AOPEP: variants seen among roughly 807,000 people sequenced by gnomAD.
The protein encoded by AOPEP is aminopeptidase O (putative).
In AOPEP, 77 loss-of-function variants were observed where a neutral mutation model predicts 98.1. The observed-to-expected ratio is 0.78, with a 90% CI of 0.65 to 0.95. AOPEP has a LOEUF of 0.95. Among genes scored for constraint, AOPEP ranks in the 40% least tolerant of loss-of-function variants. The pLI is 0.00. For synonymous variants in AOPEP, 346 were observed against 365.3 expected, an observed-to-expected ratio of 0.95 and a Z score of 0.60; for missense variants, 1,024 against 1,024.7, an observed-to-expected ratio of 1.00 and a Z score of 0.01.
intron 13 of AOPEP, among the ~76,000 whole-genome samples, chr9:95,008,377 G>GC (rs1266455207): frequency 6.6e-6 from 1 of 152,168 alleles, no homozygotes; most frequent in Non-Finnish European, 1.5e-5. Flanking sequence ...CCTCTGACCT[G>GC]CCCGGGAAAG....
chr9:94,752,830 T>C (rs1351464627), intron 1 of AOPEP, among the ~76,000 whole-genome samples: 2 of 152,146 alleles, frequency 1.3e-5, no homozygotes, highest in Non-Finnish European at 2.9e-5. Flanking sequence ...CTGAAAGCAA[T>C]AGACTATGGT....
chr9:94,853,417 G>A (rs1326303236), intron 5 of AOPEP, among the ~76,000 whole-genome samples: 1 of 151,772 alleles, frequency 6.6e-6, no homozygotes, highest in Non-Finnish European at 1.5e-5. Context: ...TTGAGATTGC[G>A]CCACTGCACT....
the AOPEP span, chr9:95,114,020 G>C: frequency 1.2e-5 from 2 of 161,872 alleles, no homozygotes; most frequent in African/African-American, 2.4e-5. Context: ...GCAGGAATTT[G>C]AGGCTACAGT....
At chr9:95,076,602 A>G (rs2069099437) in intron 14 of AOPEP, among the ~76,000 whole-genome samples, 1 of 152,222 alleles carries the variant, frequency 6.6e-6, no homozygotes, top group Non-Finnish European at 1.5e-5. Flanking sequence ...GTAAATATAT[A>G]TCCTTATCAG....
intron 5 of AOPEP, among the ~76,000 whole-genome samples, chr9:94,880,662 TTTCC>T (rs2047477641): frequency 1.3e-5 from 2 of 152,238 alleles, no homozygotes; most frequent in South Asian, 4.1e-4. Context: ...GGTCCCATTG[TTTCC>T]ATAATGTGCC....
chr9:94,824,765 G>A (rs1564200849), intron 5 of AOPEP: 1 of 152,010 alleles, frequency 6.6e-6, no homozygotes, highest in South Asian at 2.1e-4. Flanking sequence ...TAATAAATTC[G>A]AGAAAATAAC....
intron 9 of AOPEP, among the ~76,000 whole-genome samples, chr9:94,963,416 A>G (rs1304102089): frequency 6.6e-6 from 1 of 152,176 alleles, no homozygotes; most frequent in African/African-American, 2.4e-5. Flanking sequence ...GTTAGGTGTT[A>G]ATCAAAACAA....
At chr9:95,026,495 G>A (rs139009693) in intron 13 of AOPEP, among the ~76,000 whole-genome samples, 16 of 152,314 alleles carry the variant, frequency 1.1e-4, no homozygotes, top group Admixed American at 4.6e-4. Context: ...ATAACGTATT[G>A]AGGTGCATGC....
In AOPEP at chr9:94,760,245, A is replaced by G. The variant is rs752766410; in HGVS notation, c.462A>G (p.Leu154=). 6.2e-7 allele frequency: 1 copy of G among 1,614,170 alleles called. No individual in the cohort carries two copies. Among genetic ancestry groups the G allele is most frequent in the South Asian group, 1.1e-5 (1 of 91,072 alleles). Residue 154 remains leucine (L), a synonymous_variant, in exon 2 of 17, where the codon TTA becomes TTG. Coordinates refer to ENST00000375315, the MANE Select transcript of AOPEP (RefSeq NM_001193329.3). ...TGGACTGCTGTGATTTATCTGTGTT[A>G]AAAGTCGAGGAGGTGGATGTTGCTG... ...LVLDCCDLSV[L]KVEEVDVAAV...
the AOPEP span, among the ~76,000 whole-genome samples, chr9:95,112,873 T>C: frequency 6.6e-6 from 1 of 152,252 alleles, no homozygotes; most frequent in Admixed American, 6.5e-5. Context: ...CAGCACCACA[T>C]GCGCCCTTTC....
intron 5 of AOPEP, among the ~76,000 whole-genome samples, chr9:94,813,086 A>G (rs1389846555): frequency 6.6e-6 from 1 of 152,136 alleles, no homozygotes; most frequent in East Asian, 1.9e-4. Flanking sequence ...GGTTTTCGAA[A>G]TAACATTGAT....
At chr9:95,082,483 G>C (rs142499823) in intron 15 of AOPEP, 92 bp from the exon 16 acceptor site, 21 of 1,390,850 alleles carry the variant, frequency 1.5e-5, no homozygotes, top group Non-Finnish European at 1.8e-5. Context: ...ACCAGCAAGT[G>C]TGTGTGGAAC....
intron 3 of AOPEP, among the ~76,000 whole-genome samples, chr9:94,786,109 G>T (rs992420595): frequency 1.3e-5 from 2 of 152,224 alleles, no homozygotes; most frequent in Non-Finnish European, 2.9e-5. Context: ...CAGCTGTAAA[G>T]ATGAGAGCTT....
chr9:95,096,834 T>C, the AOPEP span, among the ~76,000 whole-genome samples: 2 of 152,270 alleles, frequency 1.3e-5, no homozygotes, highest in African/African-American at 4.8e-5. Flanking sequence ...TGGCTGTTCA[T>C]GAACGTTTAC....
chr9:95,096,190 C>T, the AOPEP span, among the ~76,000 whole-genome samples: 2 of 152,110 alleles, frequency 1.3e-5, no homozygotes, highest in African/African-American at 4.8e-5. Flanking sequence ...CCATCTTTTC[C>T]CCGTTGATGG....
At chr9:95,004,650 G>GAA (rs1456291276) in intron 11 of AOPEP, among the ~76,000 whole-genome samples, 1 of 151,744 alleles carries the variant, frequency 6.6e-6, no homozygotes, top group African/African-American at 2.4e-5. Flanking sequence ...TCCAGCCTGC[G>GAA]GCGGGCGGCG....
At chr9:94,785,231 G>A (rs976765247) in intron 3 of AOPEP, among the ~76,000 whole-genome samples, 4 of 152,192 alleles carry the variant, frequency 2.6e-5, no homozygotes, top group Non-Finnish European at 5.9e-5. Flanking sequence ...CACTGCGCCC[G>A]GCCCAAAAAC....
At chr9:94,752,243 T>A (rs1835963756) in intron 1 of AOPEP, among the ~76,000 whole-genome samples, 1 of 152,120 alleles carries the variant, frequency 6.6e-6, no homozygotes, top group African/African-American at 2.4e-5. Flanking sequence ...AAGTGGTATA[T>A]CATAGTCTGT....
At chr9:94,787,890 A>G (rs945595327) in intron 3 of AOPEP, among the ~76,000 whole-genome samples, 2 of 152,162 alleles carry the variant, frequency 1.3e-5, no homozygotes, top group East Asian at 3.9e-4. Context: ...CTTGATATTT[A>G]CCTGCATGTC....
Sources: allele counts gnomAD v4.1 joint callset (sites outside exome capture counted in the v4.1 genomes callset), GRCh38; gene constraint gnomAD v4.1.1; transcripts MANE v1.5; gene names NCBI Gene and HGNC (gene_info 2026-07-23, HGNC 2026-07-21).